The following PCDH9 variants were observed in gnomAD, a reference collection of about 807,000 sequenced individuals.
PCDH9 encodes protocadherin 9.
In PCDH9, 24 loss-of-function variants were observed where a neutral mutation model predicts 70.6. The ratio of observed to expected loss-of-function variants is 0.34; its 90% CI spans 0.25 to 0.48. PCDH9 has a LOEUF of 0.48. Ranked by LOEUF, PCDH9 falls within the 20% of genes least tolerant of loss-of-function variation. PCDH9 has a pLI of 0.99. For synonymous variants in PCDH9, 562 were observed against 558.5 expected (o/e 1.01, Z -0.09); for missense variants, 1,281 against 1,503.6 (o/e 0.85, Z 2.45).
chr13:66,835,457 G>C (rs952289523), intron 3 of PCDH9, among the ~76,000 whole-genome samples: 1 of 152,194 alleles, frequency 6.6e-6, no homozygotes, highest in Non-Finnish European at 1.5e-5. Flanking sequence ...ACACAGCAAA[G>C]TCACGACATT....
chr13:66,736,320 A>G (rs2079147723), intron 3 of PCDH9, among the ~76,000 whole-genome samples: 1 of 152,136 alleles, frequency 6.6e-6, no homozygotes. Context: ...ATCCAATCCG[A>G]TGTCTGTAGA....
At chr13:66,470,758 G>A (rs1414815519) in intron 4 of PCDH9, among the ~76,000 whole-genome samples, 1 of 150,270 alleles carries the variant, frequency 6.7e-6, no homozygotes, top group African/African-American at 2.4e-5. Context: ...GCTCACATAA[G>A]AATTAGCACT....
intron 3 of PCDH9, among the ~76,000 whole-genome samples, chr13:66,878,888 T>C (rs1206713516): frequency 6.6e-6 from 1 of 152,178 alleles, no homozygotes. Flanking sequence ...AAGTGTTTTG[T>C]AAGGGTTCTT....
At chr13:66,356,582 A>G (rs1956386765) in intron 4 of PCDH9, among the ~76,000 whole-genome samples, 2 of 152,008 alleles carry the variant, frequency 1.3e-5, no homozygotes, top group African/African-American at 4.8e-5. Context: ...AACGTCTGTC[A>G]TTATATCAAC....
At chr13:66,606,660 C>T (rs868726330) in intron 4 of PCDH9, among the ~76,000 whole-genome samples, 2 of 152,012 alleles carry the variant, frequency 1.3e-5, no homozygotes, top group Non-Finnish European at 2.9e-5. Flanking sequence ...TGCTTTAGTA[C>T]GTCTCTCCTA....
chr13:66,480,536 A>T (rs942408520), intron 4 of PCDH9, among the ~76,000 whole-genome samples: 1 of 152,258 alleles, frequency 6.6e-6, no homozygotes, highest in Non-Finnish European at 1.5e-5. Context: ...CTTGAAAGGT[A>T]GAATCAGTTA....
At chr13:66,335,208 C>T (rs568759809) in intron 4 of PCDH9, among the ~76,000 whole-genome samples, 74 of 152,210 alleles carry the variant, frequency 4.9e-4, no homozygotes, top group African/African-American at 1.7e-3. Flanking sequence ...AGGTAGTCAT[C>T]CTTACCCAAT....
chr13:66,398,088 G>A (rs1957133721), intron 4 of PCDH9, among the ~76,000 whole-genome samples: 1 of 151,998 alleles, frequency 6.6e-6, no homozygotes, highest in African/African-American at 2.4e-5. Flanking sequence ...AGGGTTATAT[G>A]ACTTGTCCAA....
chr13:67,121,806 A>G (rs1340342108), intron 2 of PCDH9, among the ~76,000 whole-genome samples: 1 of 152,210 alleles, frequency 6.6e-6, no homozygotes, highest in African/African-American at 2.4e-5. Context: ...AATTAAGTGT[A>G]TATAATCATA....
chr13:66,721,314 T>C (rs1194272894), intron 3 of PCDH9, among the ~76,000 whole-genome samples: 3 of 152,170 alleles, frequency 2.0e-5, no homozygotes, highest in African/African-American at 7.2e-5. Flanking sequence ...CTCAAACATA[T>C]CTTGAAAATT....
chr13:67,097,238 A>T (rs1242836948), intron 2 of PCDH9, among the ~76,000 whole-genome samples: 3 of 152,190 alleles, frequency 2.0e-5, no homozygotes, highest in African/African-American at 7.2e-5. Flanking sequence ...CCTGGGCAAT[A>T]GAGTGAGACC....
At chr13:66,806,621 G>A (rs915362032) in intron 3 of PCDH9, among the ~76,000 whole-genome samples, 19 of 152,202 alleles carry the variant, frequency 1.2e-4, no homozygotes, top group African/African-American at 4.1e-4. Flanking sequence ...TAGCAGCATC[G>A]TTTCTGGGTT....
intron 3 of PCDH9, among the ~76,000 whole-genome samples, chr13:66,687,432 T>C (rs1436470133): frequency 1.3e-5 from 2 of 152,156 alleles, no homozygotes; most frequent in Admixed American, 6.5e-5. Flanking sequence ...ATACATTTCA[T>C]TTGACTTTCT....
chr13:66,883,455 T>C (rs2081954657), intron 3 of PCDH9, among the ~76,000 whole-genome samples: 2 of 152,132 alleles, frequency 1.3e-5, no homozygotes, highest in African/African-American at 4.8e-5. Flanking sequence ...TCTCCCTTTC[T>C]CTAACAAAAA....
chr13:66,740,636 C>T (rs937331620), intron 3 of PCDH9, among the ~76,000 whole-genome samples: 1 of 149,934 alleles, frequency 6.7e-6, no homozygotes, highest in Admixed American at 6.6e-5. Context: ...CAAATAGACA[C>T]AATAAAAAAT....
intron 4 of PCDH9, among the ~76,000 whole-genome samples, chr13:66,485,712 TTTTA>T (rs2138519472): frequency 6.6e-6 from 1 of 152,168 alleles, no homozygotes. Context: ...TATTATTTCA[TTTTA>T]TTTATTCATT....
intron 2 of PCDH9, among the ~76,000 whole-genome samples, chr13:67,000,042 T>C (rs1465355969): frequency 6.6e-6 from 1 of 152,160 alleles, no homozygotes; most frequent in East Asian, 1.9e-4. Context: ...CGTATGTTTA[T>C]TGCGGCACTA....
chr13:66,990,455 T>C (rs1370706355), intron 2 of PCDH9, among the ~76,000 whole-genome samples: 1 of 151,280 alleles, frequency 6.6e-6, no homozygotes, highest in East Asian at 1.9e-4. Flanking sequence ...TAGGTTAGGT[T>C]CTTACATTTG....
chr13:66,776,490 CAAAT>C (rs1463300180), intron 3 of PCDH9, among the ~76,000 whole-genome samples: 1 of 150,950 alleles, frequency 6.6e-6, no homozygotes, highest in African/African-American at 2.4e-5. Context: ...CAATAACAGA[CAAAT>C]AGAGAGCCAA....
Sources: allele counts gnomAD v4.1 joint callset (sites outside exome capture counted in the v4.1 genomes callset), GRCh38; gene constraint gnomAD v4.1.1; transcripts MANE v1.5; gene names NCBI Gene and HGNC (gene_info 2026-07-23, HGNC 2026-07-21).